The following POLH variants were observed in gnomAD, a reference collection of about 807,000 sequenced individuals.
The protein encoded by POLH is DNA polymerase eta transcript.
A neutral mutation model predicts 73.6 loss-of-function variants in POLH; 53 were observed. That is an observed-to-expected ratio of 0.72 (90% CI 0.58 to 0.91). The LOEUF is 0.91. Among genes scored for constraint, POLH ranks in the 40% least tolerant of loss-of-function variants. POLH has a pLI of 0.00. For missense variants in POLH, 768 were observed against 865.4 expected, an observed-to-expected ratio of 0.89 and a Z score of 1.41; for synonymous variants, 292 against 308.5, an observed-to-expected ratio of 0.95 and a Z score of 0.56.
chr6:43,592,490 C>T (rs1765572121), intron 4 of POLH, among the ~76,000 whole-genome samples: 1 of 150,902 alleles, frequency 6.6e-6, no homozygotes, highest in Non-Finnish European at 1.5e-5. Context: ...CGGCTCACTG[C>T]AATCTCCACC....
chr6:43,604,152 T>A, intron 7 of POLH, 141 bp downstream of exon 7: 1 of 774,274 alleles, frequency 1.3e-6, no homozygotes. Context: ...TCTTCTTGCT[T>A]CAATATCTTG....
chr6:43,576,876 C>T (rs1054775943), intron 1 of POLH, among the ~76,000 whole-genome samples: 1 of 152,216 alleles, frequency 6.6e-6, no homozygotes, highest in African/African-American at 2.4e-5. Flanking sequence ...AAGCTCTTGG[C>T]CGGGCGCGGT....
At chr6:43,603,413 A>T (rs1766953181) in intron 6 of POLH, among the ~76,000 whole-genome samples, 1 of 152,148 alleles carries the variant, frequency 6.6e-6, no homozygotes, top group East Asian at 1.9e-4. Flanking sequence ...TACAGGAGTG[A>T]GCCACTGCAC....
chr6:43,606,042 C>T (rs1212701028), intron 9 of POLH, among the ~76,000 whole-genome samples: 1 of 151,804 alleles, frequency 6.6e-6, no homozygotes, highest in Non-Finnish European at 1.5e-5. Context: ...CAGTTTTAAG[C>T]ACATTTTATT....
At position 43,583,140 on chromosome 6, in the gene POLH, A is replaced by G. The variant is rs1262356072; in HGVS notation, c.271A>G (p.Lys91Glu). The G allele has an allele frequency of 3.1e-6, 5 of 1,613,896 alleles. No individual in the cohort carries two copies. The highest frequency in any genetic ancestry group is 1.3e-5 in the African/African-American group (1 of 75,050). ...RESRGKANLT[K>E]YREASVEVME... ...GTCCCGTGGGAAAGCTAACCTCACC[A>G]AGTAAGAAAAAAACATTATTTAAGG... The change falls in exon 3 of 11, where the codon AAG (lysine) becomes GAG (glutamate). Residue 91 changes from lysine to glutamate, a missense_variant and splice_region_variant. By Grantham distance (56) the Lys-to-Glu change is moderately conservative. Coordinates refer to ENST00000372236, the MANE Select transcript of POLH (RefSeq NM_006502.3).
Position 43,597,829 on chromosome 6 carries a change from T to C in POLH, c.624T>C (p.Thr208=). 6.2e-7 allele frequency: 1 copy of C among 1,613,994 alleles called. No individual in the cohort carries two copies. Among genetic ancestry groups the C allele is most frequent in the Non-Finnish European group, 8.5e-7 (1 of 1,179,862 alleles). The part of the protein sequence containing the change: ...EEMRAAIERE[T]GFQCSAGISH... Reference sequence around the variant, plus strand: ...TGAGAGCAGCCATAGAGAGGGAGACTGGTTTTCAGTGTTCAGCTGGAATTT... The same window carrying C: ...TGAGAGCAGCCATAGAGAGGGAGACCGGTTTTCAGTGTTCAGCTGGAATTT... The change falls in exon 5 of 11, where the codon ACT becomes ACC. Residue 208 remains threonine (T), a synonymous_variant. Coordinates refer to ENST00000372236, the MANE Select transcript of POLH (RefSeq NM_006502.3).
chr6:43,587,610 AG>A (rs1764971793), intron 4 of POLH, 121 bp downstream of exon 4: 8 of 759,764 alleles, frequency 1.1e-5, no homozygotes, highest in Non-Finnish European at 1.6e-5. Context: ...ATGAATCACA[AG>A]GACTCACATG....
Position 43,614,018 on chromosome 6 carries a change from A to G in POLH, c.1603A>G (p.Lys535Glu), listed in dbSNP as rs56307355. Residue 535 changes from lysine (K) to glutamate (E), a missense_variant, in exon 11 of 11, where the codon AAA becomes GAA. Coordinates refer to ENST00000372236, the MANE Select transcript of POLH (RefSeq NM_006502.3). ...AGGAACTGAGCCCTTCTTTAAGCAG[A>G]AAAGTCTGCTTCTAAAGCAGAAACA... ...STGTEPFFKQKSLLLKQKQLN... is the reference protein window; with the variant it reads ...STGTEPFFKQESLLLKQKQLN... 7.5e-4 allele frequency: 1,211 copies of G among 1,614,140 alleles called. 13 individuals are homozygous for G. In the East Asian group the frequency reaches 0.019, roughly 26 times the overall value.
At chr6:43,586,780 G>A (rs1438536425) in intron 3 of POLH, among the ~76,000 whole-genome samples, 1 of 152,192 alleles carries the variant, frequency 6.6e-6, no homozygotes, top group African/African-American at 2.4e-5. Context: ...AAATCCATAT[G>A]CCAGTTTGTT....
chr6:43,581,614 C>G (rs1269559912), intron 1 of POLH, among the ~76,000 whole-genome samples: 1 of 147,184 alleles, frequency 6.8e-6, no homozygotes, highest in African/African-American at 2.6e-5. Context: ...CGGCGCTCGC[C>G]GGCGCGGCGG....
rs1768361532 is a variant in POLH at position 43,616,517 on chromosome 6, A to ACAG, written c.*1960_*1961insCAG. 2.0e-5 allele frequency among the ~76,000 whole-genome samples: 3 copies of ACAG among 148,248 alleles called. No individual in the cohort carries two copies. In the South Asian group the frequency reaches 6.9e-4, roughly 34 times the overall value. On this transcript the variant is annotated 3_prime_UTR_variant, in exon 11 of 11. Coordinates refer to ENST00000372236, the MANE Select transcript of POLH (RefSeq NM_006502.3). Reference sequence around the variant, plus strand: ...GGCAGGAGAATTGCTTGAACCTGGAAGGTGGAGGTTGCAGTGAGTTGAGAT... The same window carrying ACAG: ...GGCAGGAGAATTGCTTGAACCTGGAACAGGGTGGAGGTTGCAGTGAGTTGAGAT...
intron 9 of POLH, among the ~76,000 whole-genome samples, chr6:43,605,551 C>G (rs528507039): frequency 2.4e-4 from 36 of 147,662 alleles, no homozygotes; most frequent in African/African-American, 8.5e-4. Flanking sequence ...TAGGCTCAAG[C>G]TCTCCTCCCA....
At chr6:43,595,298 T>A (rs1765915390) in intron 4 of POLH, among the ~76,000 whole-genome samples, 1 of 151,966 alleles carries the variant, frequency 6.6e-6, no homozygotes, top group Non-Finnish European at 1.5e-5. Context: ...GCCTGGCTAA[T>A]TTTTGTATTT....
rs1191742224 is a variant in POLH at position 43,587,265 on chromosome 6, T to G, written c.273-7T>G. ...TTGCCTGCATGAATGATCCTTATAC[T>G]TCTTAGGTACCGGGAAGCCAGTGTT... On this transcript the variant is annotated splice_polypyrimidine_tract_variant and splice_region_variant and intron_variant, in intron 3 of 10. Coordinates refer to ENST00000372236, the MANE Select transcript of POLH (RefSeq NM_006502.3). The G allele has an allele frequency of 6.2e-7, 1 of 1,610,320 alleles. No homozygotes were observed. Among genetic ancestry groups the G allele is most frequent in the African/African-American group, 1.3e-5 (1 of 74,854 alleles).
At chr6:43,593,598 T>C (rs866061372) in intron 4 of POLH, among the ~76,000 whole-genome samples, 12 of 152,236 alleles carry the variant, frequency 7.9e-5, no homozygotes, top group Non-Finnish European at 1.8e-4. Context: ...AGAAAAACTC[T>C]TGGCTGGGCA....
At chr6:43,589,115 G>A (rs1415002605) in intron 4 of POLH, among the ~76,000 whole-genome samples, 3 of 152,242 alleles carry the variant, frequency 2.0e-5, no homozygotes, top group East Asian at 3.8e-4. Flanking sequence ...TGGGATTACA[G>A]GTGTGAGCCA....
At chr6:43,585,424 C>A (rs1764688762) in intron 3 of POLH, among the ~76,000 whole-genome samples, 1 of 152,072 alleles carries the variant, frequency 6.6e-6, no homozygotes. Flanking sequence ...GGCCAAAAGT[C>A]CCAACCCTCT....
At chr6:43,592,296 G>C (rs1765539666) in intron 4 of POLH, among the ~76,000 whole-genome samples, 1 of 152,018 alleles carries the variant, frequency 6.6e-6, no homozygotes, top group Admixed American at 6.6e-5. Context: ...AAAGAGGCGA[G>C]GTATTTGTAA....
At chr6:43,606,602 T>A (rs988748728) in intron 9 of POLH, among the ~76,000 whole-genome samples, 8 of 152,104 alleles carry the variant, frequency 5.3e-5, no homozygotes, top group African/African-American at 1.9e-4. Context: ...CTAATTTTTT[T>A]ATTTTTAGTA....
Sources: gnomAD v4.1 joint callset for allele counts (sites outside exome capture counted in the v4.1 genomes callset) on GRCh38, gnomAD v4.1.1 for gene constraint, MANE v1.5 for transcripts, NCBI Gene and HGNC (gene_info 2026-07-23, HGNC 2026-07-21) for gene names.